FHIP1A: variants seen among roughly 807,000 people sequenced by gnomAD.
The protein encoded by FHIP1A is FHF complex subunit HOOK-interacting protein 1A.
FHIP1A carries 61 observed loss-of-function variants against 88.6 expected under a neutral mutation model. The observed-to-expected ratio is 0.69, with a 90% CI of 0.56 to 0.85. The LOEUF (loss-of-function observed/expected upper bound fraction) is 0.85. FHIP1A is among the 40% of genes least tolerant of loss of function. The pLI, the probability that FHIP1A is intolerant of heterozygous loss-of-function variation, is 0.00. For synonymous variants in FHIP1A, 478 were observed against 496.0 expected (o/e 0.96, Z 0.48); for missense variants, 1,154 against 1,273.5 (o/e 0.91, Z 1.43).
intron 3 of FHIP1A, among the ~76,000 whole-genome samples, chr4:151,499,612 C>G (rs1227835983): frequency 2.0e-5 from 3 of 152,188 alleles, no homozygotes; most frequent in African/African-American, 7.2e-5. Flanking sequence ...CACTCTCATG[C>G]TGCTAATAAA....
chr4:151,448,298 A>C (rs867571923), intron 1 of FHIP1A, among the ~76,000 whole-genome samples: 1 of 152,126 alleles, frequency 6.6e-6, no homozygotes, highest in Non-Finnish European at 1.5e-5. Context: ...GCAGCCTGGG[A>C]AACTAATATA....
chr4:151,429,781 G>A (rs1156802125), intron 1 of FHIP1A, among the ~76,000 whole-genome samples: 7 of 150,932 alleles, frequency 4.6e-5, no homozygotes, highest in East Asian at 1.9e-4. Flanking sequence ...TACGGGAGGC[G>A]GAGGTTGCAA....
intron 1 of FHIP1A, among the ~76,000 whole-genome samples, chr4:151,434,652 G>T (rs1296248169): frequency 6.6e-6 from 1 of 152,094 alleles, no homozygotes; most frequent in Non-Finnish European, 1.5e-5. Context: ...TTACCAGTTG[G>T]CTCATTTGGA....
At chr4:151,648,549 C>T (rs889711000) in intron 10 of FHIP1A, among the ~76,000 whole-genome samples, 5 of 152,076 alleles carry the variant, frequency 3.3e-5, no homozygotes, top group South Asian at 2.1e-4. Context: ...GTGGCACTGA[C>T]GTAAGAATGG....
intron 3 of FHIP1A, among the ~76,000 whole-genome samples, chr4:151,484,205 A>G (rs1012014205): frequency 3.3e-5 from 5 of 152,180 alleles, no homozygotes; most frequent in Non-Finnish European, 7.3e-5. Context: ...TTAGCCACTC[A>G]TGAATCCTGG....
chr4:151,666,535 G>A lies in FHIP1A; in HGVS notation c.*3781G>A, dbSNP rs548816325. Among the ~76,000 whole-genome samples, 1 of 152,302 alleles carries A rather than the reference G, an allele frequency of 6.6e-6. No individual in the cohort carries two copies. The highest frequency in any genetic ancestry group is 1.9e-4 in the East Asian group (1 of 5,188). On this transcript the variant is annotated 3_prime_UTR_variant, in exon 14 of 14. Transcript: ENST00000435205. ...CATCATGGAGCCAGGGTCTTGTCAG[G>A]AAAGCATCCTCTTATGAACAGAATC...
intron 3 of FHIP1A, among the ~76,000 whole-genome samples, chr4:151,537,902 G>A (rs1184060808): frequency 6.6e-6 from 1 of 152,114 alleles, no homozygotes; most frequent in Non-Finnish European, 1.5e-5. Flanking sequence ...CAGAATAGGG[G>A]CATCTGAGTC....
chr4:151,422,884 T>C (rs555015807), intron 1 of FHIP1A, among the ~76,000 whole-genome samples: 1 of 152,102 alleles, frequency 6.6e-6, no homozygotes, highest in African/African-American at 2.4e-5. Context: ...TGGTGACTTT[T>C]AGGTTCTCTG....
At chr4:151,600,457 G>A (rs1734821664) in intron 7 of FHIP1A, among the ~76,000 whole-genome samples, 2 of 152,154 alleles carry the variant, frequency 1.3e-5, no homozygotes, top group Admixed American at 1.3e-4. Context: ...GGAATAGATG[G>A]CATTCAGACT....
intron 3 of FHIP1A, among the ~76,000 whole-genome samples, chr4:151,511,291 A>G (rs1731018686): frequency 6.6e-6 from 1 of 152,218 alleles, no homozygotes; most frequent in Admixed American, 6.5e-5. Flanking sequence ...ATGAAATGCA[A>G]TCCCGAGGTG....
intron 9 of FHIP1A, among the ~76,000 whole-genome samples, chr4:151,642,812 G>T (rs894315392): frequency 1.3e-5 from 2 of 151,532 alleles, no homozygotes; most frequent in African/African-American, 2.4e-5. Flanking sequence ...CAGGCCCAGG[G>T]TTATAAAGGG....
At chr4:151,447,105 A>G (rs945680033) in intron 1 of FHIP1A, among the ~76,000 whole-genome samples, 2 of 152,202 alleles carry the variant, frequency 1.3e-5, no homozygotes, top group African/African-American at 4.8e-5. Context: ...ATGGGTAAAA[A>G]CTTAATAAAA....
chr4:151,636,004 A>G (rs1419433176), intron 8 of FHIP1A, among the ~76,000 whole-genome samples: 1 of 151,964 alleles, frequency 6.6e-6, no homozygotes, highest in Admixed American at 6.6e-5. Context: ...TGATTCCAAA[A>G]CTAAACAAAG....
intron 3 of FHIP1A, among the ~76,000 whole-genome samples, chr4:151,501,787 G>T (rs1199056391): frequency 3.4e-5 from 5 of 146,330 alleles, no homozygotes; most frequent in Non-Finnish European, 7.5e-5. Context: ...TCATTTTGTT[G>T]TTGAGTTGTA....
intron 2 of FHIP1A, among the ~76,000 whole-genome samples, chr4:151,480,102 C>A (rs1729840762): frequency 6.6e-6 from 1 of 152,016 alleles, no homozygotes; most frequent in Non-Finnish European, 1.5e-5. Flanking sequence ...TTATCAAGAA[C>A]CAGTGAATTT....
chr4:151,467,986 T>TAA (rs34475856), intron 2 of FHIP1A, among the ~76,000 whole-genome samples: 3 of 133,748 alleles, frequency 2.2e-5, no homozygotes, highest in Admixed American at 7.6e-5. Flanking sequence ...TCCCGGAACT[T>TAA]AAAAAAAAAA....
chr4:151,527,986 A>G (rs1731742563), intron 3 of FHIP1A, among the ~76,000 whole-genome samples: 1 of 152,208 alleles, frequency 6.6e-6, no homozygotes, highest in African/African-American at 2.4e-5. Context: ...AAAACCGTGT[A>G]GCTCCAAACA....
At chr4:151,471,857 A>T (rs1370641618) in intron 2 of FHIP1A, among the ~76,000 whole-genome samples, 1 of 152,132 alleles carries the variant, frequency 6.6e-6, no homozygotes, top group Non-Finnish European at 1.5e-5. Flanking sequence ...TATGATTGAG[A>T]ACATACAATG....
At chr4:151,578,684 T>C (rs1199349626) in intron 5 of FHIP1A, among the ~76,000 whole-genome samples, 1 of 152,166 alleles carries the variant, frequency 6.6e-6, no homozygotes, top group Non-Finnish European at 1.5e-5. Context: ...GAAGACAGTT[T>C]GGCAGTTTCT....
Sources: gnomAD v4.1 joint callset for allele counts (sites outside exome capture counted in the v4.1 genomes callset) on GRCh38, gnomAD v4.1.1 for gene constraint, MANE v1.5 for transcripts, NCBI Gene and HGNC (gene_info 2026-07-23, HGNC 2026-07-21) for gene names.